The following CRY2 variants were observed in gnomAD, a reference collection of about 807,000 sequenced individuals.
The protein encoded by CRY2 is cryptochrome circadian regulator 2, also known as cryptochrome-2.
A neutral mutation model predicts 69.5 loss-of-function variants in CRY2; 31 were observed. The observed-to-expected ratio is 0.45, with a 90% CI of 0.34 to 0.60. CRY2 has a LOEUF of 0.60. Ranked by LOEUF, CRY2 falls within the 20% of genes least tolerant of loss-of-function variation. CRY2 has a pLI of 0.02. For synonymous variants in CRY2, 303 were observed against 312.2 expected, an observed-to-expected ratio of 0.97 and a Z score of 0.31; for missense variants, 606 against 797.8, an observed-to-expected ratio of 0.76 and a Z score of 2.90.
At chr11:45,868,135 G>A (rs997359122) in intron 6 of CRY2, among the ~76,000 whole-genome samples, 1 of 152,218 alleles carries the variant, frequency 6.6e-6, no homozygotes, top group Non-Finnish European at 1.5e-5. Flanking sequence ...ATAGCTGCCC[G>A]CTCTGGAGCT....
At chr11:45,860,001 G>C (rs2086274336) in intron 3 of CRY2, among the ~76,000 whole-genome samples, 1 of 152,168 alleles carries the variant, frequency 6.6e-6, no homozygotes, top group Non-Finnish European at 1.5e-5. Flanking sequence ...CACTAACGTG[G>C]GGAGAGCAAA....
intron 5 of CRY2, 54 bp from the exon 6 acceptor site, chr11:45,867,558 T>C: frequency 6.2e-7 from 1 of 1,606,396 alleles, no homozygotes. Flanking sequence ...GCCTCCATTT[T>C]TTCCTCTGTT....
At chr11:45,854,688 C>A (rs2086225899) in intron 1 of CRY2, among the ~76,000 whole-genome samples, 1 of 151,924 alleles carries the variant, frequency 6.6e-6, no homozygotes, top group Admixed American at 6.6e-5. Flanking sequence ...GACTCTGTCT[C>A]AAAAAGTAAA....
chr11:45,853,349 A>G (rs1277159450), intron 1 of CRY2, among the ~76,000 whole-genome samples: 1 of 152,180 alleles, frequency 6.6e-6, no homozygotes, highest in Non-Finnish European at 1.5e-5. Context: ...TGGGCCTTCT[A>G]CCAGCCTCAC....
Position 45,856,133 on chromosome 11 carries a change from C to G in CRY2, c.324+43C>G, listed in dbSNP as rs771233272. 2.0e-6 allele frequency: 3 copies of G among 1,484,346 alleles called. No individual in the cohort carries two copies. The South Asian group carries it at 3.4e-5, about 17-fold the overall frequency. 91.9% of individuals were successfully genotyped at this position (1,484,346 alleles called of 1,614,324 possible). A position where few individuals can be genotyped will look rare whatever the true frequency, so the allele number is the denominator to read the frequency against. Reference sequence around the variant, plus strand: ...CAGAGAAGACAGTGAGATTCTGTCCCTGACGGTTTCCCCACAGCCTGAGTG... The same window carrying G: ...CAGAGAAGACAGTGAGATTCTGTCCGTGACGGTTTCCCCACAGCCTGAGTG... On this transcript the variant is annotated intron_variant, in intron 2 of 11. Transcript: ENST00000616080.
intron 1 of CRY2, among the ~76,000 whole-genome samples, chr11:45,850,115 C>T (rs1425670564): frequency 6.6e-6 from 1 of 151,694 alleles, no homozygotes; most frequent in East Asian, 1.9e-4. Context: ...GCTCAGCGAT[C>T]CTCCTGCCTT....
chr11:45,850,985 G>A (rs1044365899), intron 1 of CRY2, among the ~76,000 whole-genome samples: 2 of 151,724 alleles, frequency 1.3e-5, no homozygotes, highest in African/African-American at 4.8e-5. Context: ...CCCTGGTGAT[G>A]GTGGGAAGTT....
intron 11 of CRY2, among the ~76,000 whole-genome samples, chr11:45,878,602 T>G (rs2086442227): frequency 6.6e-6 from 1 of 151,966 alleles, no homozygotes; most frequent in Admixed American, 6.6e-5. Context: ...AAGGGAAAAA[T>G]TATTGAAAAT....
chr11:45,856,199 G>A, intron 2 of CRY2, 109 bp downstream of exon 2: 3 of 933,298 alleles, frequency 3.2e-6, no homozygotes, highest in Non-Finnish European at 5.0e-6. Flanking sequence ...ATCAGGGCTG[G>A]TCTGGCTGTT....
intron 1 of CRY2, among the ~76,000 whole-genome samples, chr11:45,855,236 C>A (rs1370955269): frequency 6.7e-6 from 1 of 150,292 alleles, no homozygotes; most frequent in Non-Finnish European, 1.5e-5. Flanking sequence ...GGATGAGAAC[C>A]TGATCACCAG....
rs1590770289 is a variant in CRY2 at position 45,870,443 on chromosome 11, G to A, written c.1460G>A (p.Arg487Gln). The A allele has an allele frequency of 1.9e-6, 3 of 1,614,180 alleles. No homozygotes were observed. Among genetic ancestry groups the A allele is most frequent in the Non-Finnish European group, 2.5e-6 (3 of 1,180,038 alleles). The change falls in exon 9 of 12, where the codon CGG becomes CAG. Residue 487 changes from arginine to glutamine, a missense_variant. By Grantham distance (43) the Arg-to-Gln change is conservative. This residue lies in a region of CRY2 where 173 missense variants were observed against 213.7 expected (regional missense o/e 0.81). Transcript: ENST00000616080. Reference protein sequence around the residue: ...AKCIIGVDYPRPIVNHAETSR... With the variant: ...AKCIIGVDYPQPIVNHAETSR... ...TGCATCATTGGTGTGGACTACCCAC[G>A]GCCCATCGTCAACCATGCCGAGACC... is the stretch of plus-strand genomic sequence containing the variant.
At chr11:45,880,762 TC>T (rs1442196891) in intron 11 of CRY2, among the ~76,000 whole-genome samples, 151 bp from the exon 12 acceptor site, 4 of 152,170 alleles carry the variant, frequency 2.6e-5, no homozygotes, top group Non-Finnish European at 4.4e-5. Flanking sequence ...CAACAACCTG[TC>T]CCCAGGTACC....
chr11:45,856,689 G>A lies in CRY2; in HGVS notation c.324+599G>A, dbSNP rs1375671449. The stretch of plus-strand genomic sequence containing the variant: ...CTGGCACCTGTAGTCCCAGCTACTC[G>A]AGAGGCTGAGGCAGGAGAATGGTGT... On this transcript the variant is annotated intron_variant, in intron 2 of 11. Coordinates refer to ENST00000616080, the MANE Select transcript of CRY2 (RefSeq NM_021117.5). Among the ~76,000 whole-genome samples the A allele has an allele frequency of 2.0e-5, 3 of 152,026 alleles. No individual in the cohort carries two copies. The South Asian group carries it at 6.2e-4, about 32-fold the overall frequency.
intron 11 of CRY2, among the ~76,000 whole-genome samples, chr11:45,874,048 G>A (rs577218876): frequency 2.0e-5 from 3 of 152,274 alleles, no homozygotes; most frequent in East Asian, 3.9e-4. Flanking sequence ...TTGGGAGGCC[G>A]AGGTGGGTGG....
Sources: allele counts gnomAD v4.1 joint callset (sites outside exome capture counted in the v4.1 genomes callset), GRCh38; gene constraint gnomAD v4.1.1; regional missense constraint gnomAD v4.1.1; transcripts MANE v1.5; gene names NCBI Gene and HGNC (gene_info 2026-07-23, HGNC 2026-07-21).